NAV3: variants seen among roughly 807,000 people sequenced by gnomAD.
NAV3 encodes pore membrane and/or filament interacting like protein 1.
A neutral mutation model predicts 244.7 loss-of-function variants in NAV3; 87 were observed. That is an observed-to-expected ratio of 0.36 (90% CI 0.30 to 0.42). The LOEUF is 0.42. Ranked by LOEUF, NAV3 falls within the 20% of genes least tolerant of loss-of-function variation. NAV3 has a pLI of 1.00. For missense variants in NAV3, 2,663 were observed against 2,893.3 expected, an observed-to-expected ratio of 0.92 and a Z score of 1.83; for synonymous variants, 1,126 against 1,042.2, an observed-to-expected ratio of 1.08 and a Z score of -1.55.
intron 5 of NAV3, among the ~76,000 whole-genome samples, chr12:77,991,422 T>A (rs1379973195): frequency 6.6e-6 from 1 of 151,822 alleles, no homozygotes; most frequent in Non-Finnish European, 1.5e-5. Context: ...AATTTCATTA[T>A]GTTTATACAT....
At chr12:78,144,317 A>C (rs1254170807) in intron 20 of NAV3, among the ~76,000 whole-genome samples, 1 of 152,176 alleles carries the variant, frequency 6.6e-6, no homozygotes, top group Non-Finnish European at 1.5e-5. Context: ...AGAATAAATA[A>C]AAACATTTTT....
chr12:77,728,560 G>T lies in NAV3; in HGVS notation c.72+156294G>T, dbSNP rs111933697. Among the ~76,000 whole-genome samples the T allele has an allele frequency of 3.0e-3, 452 of 151,990 alleles. 3 individuals carry two copies. Among genetic ancestry groups the T allele is most frequent in the African/African-American group, 0.01 (427 of 41,500 alleles). ...CAAAATGATATAAAACACATCAATA[G>T]GGTAATACCGATTGAATTTTGTTAT... On this transcript the variant is annotated intron_variant, in intron 2 of 8. Coordinates refer to the NAV3 transcript ENST00000550042.
chr12:77,619,932 A>G (rs1006425325), intron 2 of NAV3, among the ~76,000 whole-genome samples: 6 of 152,154 alleles, frequency 3.9e-5, no homozygotes, highest in Non-Finnish European at 8.8e-5. Flanking sequence ...AAATGTTTAA[A>G]TGTTCTATTT....
chr12:77,600,193 A>G (rs570707956), intron 2 of NAV3, among the ~76,000 whole-genome samples: 2 of 152,130 alleles, frequency 1.3e-5, no homozygotes, highest in South Asian at 4.1e-4. Flanking sequence ...TTTGATGTTT[A>G]TGCTTAAATA....
chr12:77,746,819 C>G (rs1868569772), intron 2 of NAV3, among the ~76,000 whole-genome samples: 1 of 152,162 alleles, frequency 6.6e-6, no homozygotes, highest in South Asian at 2.1e-4. Flanking sequence ...TTCAGCTACT[C>G]TCTTTCTTTG....
chr12:77,739,179 AGTT>A (rs140642699), intron 2 of NAV3, among the ~76,000 whole-genome samples: 2,312 of 152,228 alleles, frequency 0.015, 30 homozygotes, highest in Non-Finnish European at 0.021. Flanking sequence ...TATCTCAAAG[AGTT>A]GTTGTGAGTA....
chr12:77,748,451 A>G (rs1033298298), intron 2 of NAV3, among the ~76,000 whole-genome samples: 6 of 152,236 alleles, frequency 3.9e-5, no homozygotes, highest in African/African-American at 1.4e-4. Flanking sequence ...TTATACTTTT[A>G]AATTAAGATG....
intron 12 of NAV3, among the ~76,000 whole-genome samples, chr12:78,063,232 A>G (rs150206586): frequency 4.3e-4 from 66 of 152,218 alleles, no homozygotes; most frequent in African/African-American, 1.5e-3. Flanking sequence ...TCCAACACCA[A>G]CCCCATTTCT....
At position 78,179,580 on chromosome 12, in the gene NAV3, C is replaced by A. The variant is rs762326860; in HGVS notation, c.5415C>A (p.Ser1805Arg). Reference protein sequence around the residue: ...AEAEIILQLKSELREKELKLT... With the variant: ...AEAEIILQLKRELREKELKLT... ...CAGAGATAATTCTGCAGCTGAAGAG[C>A]GAGCTCAGAGAAAAGGAATTAAAAT... The change falls in exon 29 of 40, where the codon AGC becomes AGA. Residue 1805 changes from serine (S) to arginine (R), a missense_variant. Ser to Arg is a moderately radical substitution (Grantham distance 110, BLOSUM62 -1). Around this residue, in one of 6 missense-constraint regions of NAV3, gnomAD observed 193 missense variants for 200.7 expected, o/e 0.96. Transcript: ENST00000397909. 5.0e-6 allele frequency: 8 copies of A among 1,613,120 alleles called. No individual in the cohort carries two copies. Among genetic ancestry groups the A allele is most frequent in the Non-Finnish European group, 5.9e-6 (7 of 1,179,502 alleles).
rs919658437 is a variant in NAV3, at chr12:78,128,732, A to C, written c.4307A>C (p.Asn1436Thr). 6.2e-6 allele frequency: 10 copies of C among 1,614,024 alleles called. No individual in the cohort carries two copies. The highest frequency in any genetic ancestry group is 8.5e-6 in the Non-Finnish European group (10 of 1,179,956). Residue 1436 changes from asparagine (N) to threonine (T), a missense_variant, in exon 18 of 40, where the codon AAC (asparagine) becomes ACC (threonine). Physicochemically the swap from Asn to Thr is moderately conservative, Grantham distance 65. This residue lies in a region of NAV3 where 354 missense variants were observed against 413.0 expected (regional missense o/e 0.86). Coordinates refer to ENST00000397909, the MANE Select transcript of NAV3 (RefSeq NM_001024383.2). Reference sequence around the variant, plus strand: ...TATACCCCATCATCTCGGCAGGCCAACCAAGAAGAGGGCAAAGAGTGGTTG... The same window carrying C: ...TATACCCCATCATCTCGGCAGGCCACCCAAGAAGAGGGCAAAGAGTGGTTG... ...LRYTPSSRQA[N>T]QEEGKEWLRS...
intron 1 of NAV3, among the ~76,000 whole-genome samples, chr12:77,846,451 C>T (rs1240336445): frequency 6.6e-6 from 1 of 152,178 alleles, no homozygotes; most frequent in African/African-American, 2.4e-5. Context: ...GGCTGACCAA[C>T]TGTACTGGTT....
intron 20 of NAV3, among the ~76,000 whole-genome samples, chr12:78,141,368 G>C (rs559799239): frequency 6.6e-6 from 1 of 152,242 alleles, no homozygotes; most frequent in South Asian, 2.1e-4. Flanking sequence ...TTTAGAGCTA[G>C]GTTAACAGTG....
At chr12:78,059,808 G>A (rs1884065582) in intron 12 of NAV3, among the ~76,000 whole-genome samples, 1 of 151,872 alleles carries the variant, frequency 6.6e-6, no homozygotes, top group Non-Finnish European at 1.5e-5. Context: ...GATATCCTCA[G>A]ATTTACCTGG....
chr12:78,163,802 A>T (rs11108565), intron 23 of NAV3, among the ~76,000 whole-genome samples: 54,210 of 151,836 alleles, frequency 0.36, 9,821 homozygotes, highest in South Asian at 0.5. Flanking sequence ...ATATTGGCGT[A>T]GTTTGACCAA....
chr12:77,606,615 A>G (rs1426337959), intron 2 of NAV3, among the ~76,000 whole-genome samples: 1 of 152,120 alleles, frequency 6.6e-6, no homozygotes, highest in Non-Finnish European at 1.5e-5. Context: ...TGTTATATGT[A>G]TATGTATGTT....
intron 1 of NAV3, among the ~76,000 whole-genome samples, chr12:77,844,908 T>C (rs775705080): frequency 1.1e-4 from 17 of 152,190 alleles, no homozygotes; most frequent in Non-Finnish European, 1.8e-4. Context: ...TTCTCGACTT[T>C]GGGATTAGGA....
chr12:77,671,907 A>G (rs957408178), intron 2 of NAV3, among the ~76,000 whole-genome samples: 1 of 145,484 alleles, frequency 6.9e-6, no homozygotes, highest in African/African-American at 2.4e-5. Context: ...AGATAAATAG[A>G]TAGAACTTAA....
intron 2 of NAV3, among the ~76,000 whole-genome samples, chr12:77,673,595 C>T (rs1237584946): frequency 1.3e-5 from 2 of 151,978 alleles, no homozygotes; most frequent in Non-Finnish European, 2.9e-5. Flanking sequence ...ATCTGATACA[C>T]AATGACATCA....
intron 1 of NAV3, among the ~76,000 whole-genome samples, chr12:77,910,358 C>G (rs1886459100): frequency 1.3e-5 from 2 of 151,922 alleles, no homozygotes; most frequent in South Asian, 4.1e-4. Flanking sequence ...CCAATTCTTC[C>G]TTGAACTAAC....
Sources: gnomAD v4.1 joint callset for allele counts (sites outside exome capture counted in the v4.1 genomes callset) on GRCh38, gnomAD v4.1.1 for gene constraint, gnomAD v4.1.1 regional missense constraint, MANE v1.5 for transcripts, NCBI Gene and HGNC (gene_info 2026-07-23, HGNC 2026-07-21) for gene names.